DNHD1: variants seen among roughly 807,000 people sequenced by gnomAD.
The protein encoded by DNHD1 is dynein heavy chain domain-containing protein 1.
DNHD1 carries 383 observed loss-of-function variants against 458.1 expected under a neutral mutation model. The ratio of observed to expected loss-of-function variants is 0.84; its 90% CI spans 0.77 to 0.91. The LOEUF (loss-of-function observed/expected upper bound fraction) is 0.91. Ranked by LOEUF, DNHD1 falls within the 40% of genes least tolerant of loss-of-function variation. The pLI is 0.00. For synonymous variants in DNHD1, 2,203 were observed against 2,376.9 expected, an observed-to-expected ratio of 0.93 and a Z score of 2.13; for missense variants, 5,336 against 5,866.1, an observed-to-expected ratio of 0.91 and a Z score of 2.95.
In DNHD1 at chr11:6,571,218, G is replaced by GCGCGGA. The variant is rs758450539; in HGVS notation, c.13711_13716dup (p.Asp4571_Ala4572dup). On this transcript the variant is annotated inframe_insertion, in exon 42 of 43. Transcript: ENST00000254579. The surrounding 1 kb of genome is among the most constrained non-coding windows in gnomAD (Gnocchi z 5.0). ...CTGTTGGTTCGTTACTTGGGCGTGG[G>GCGCGGA]CGCGGACGCGAGCAGTGATGTACCA... 272 of 1,610,150 alleles carry GCGCGGA rather than the reference G, an allele frequency of 1.7e-4. No homozygotes were observed. The highest frequency in any genetic ancestry group is 2.2e-4 in the Non-Finnish European group (257 of 1,178,150).
In DNHD1 at chr11:6,539,912, GAGACTA is replaced by G; in HGVS notation, c.3458_3463del (p.Glu1153_Ile1155delinsVal). 1 of 1,551,756 alleles carries G rather than the reference GAGACTA, an allele frequency of 6.4e-7. No homozygotes were observed. The stretch of plus-strand genomic sequence containing the variant: ...TGAAAATGAACGAATTCATGCCCAA[GAGACTA>G]TACGGCGGTTGCAGCGGTACTGGGA... On this transcript the variant is annotated inframe_deletion, in exon 18 of 43. Coordinates refer to ENST00000254579, the MANE Select transcript of DNHD1 (RefSeq NM_144666.3).
At position 6,563,494 on chromosome 11, in the gene DNHD1, G is replaced by T. The variant is rs994565430; in HGVS notation, c.9782G>T (p.Cys3261Phe). The T allele has an allele frequency of 1.9e-6, 3 of 1,551,738 alleles. No homozygotes were observed. The highest frequency in any genetic ancestry group is 2.6e-6 in the Non-Finnish European group (3 of 1,146,996). ...GTGGTCCGGGTAACTGATGCAATGT[G>T]TGACTTGTTCCACCATGAAACAGGC... Reference protein sequence around the residue: ...ESVVRVTDAMCDLFHHETGWA... With the variant: ...ESVVRVTDAMFDLFHHETGWA... Residue 3261 changes from cysteine to phenylalanine, a missense_variant, in exon 30 of 43, where the codon TGT (cysteine) becomes TTT (phenylalanine). Transcript: ENST00000254579.
chr11:6,510,630 C>T (rs750299480), intron 6 of DNHD1, among the ~76,000 whole-genome samples: 6 of 152,078 alleles, frequency 3.9e-5, no homozygotes, highest in Admixed American at 1.3e-4. Flanking sequence ...TCTTCAAACT[C>T]GGATAAAGAT....
At position 6,546,730 on chromosome 11, in the gene DNHD1, C is replaced by G; in HGVS notation, c.5791C>G (p.Leu1931Val). The G allele has an allele frequency of 6.4e-7, 1 of 1,551,758 alleles. No homozygotes were observed. The highest frequency in any genetic ancestry group is 1.7e-4 in the Middle Eastern group (1 of 5,992). ...GCTCCACCTGCACAACCTCCGAGGG[C>G]TGTTGTGTGCGCTTTTCCCTAGCGC... is the stretch of plus-strand genomic sequence containing the variant. ...NGLHLHNLRGLLCALFPSASQ... is the reference protein window; with the variant it reads ...NGLHLHNLRGVLCALFPSASQ... The change falls in exon 21 of 43, where the codon CTG becomes GTG. Residue 1931 changes from leucine to valine, a missense_variant. Transcript: ENST00000254579.
chr11:6,551,849 GAGAATTGC>G (rs1853357723), intron 24 of DNHD1, among the ~76,000 whole-genome samples: 1 of 150,558 alleles, frequency 6.6e-6, no homozygotes, highest in African/African-American at 2.5e-5. Flanking sequence ...GCTGAGGCAG[GAGAATTGC>G]TTGAACCAGG....
Position 6,571,127 on chromosome 11 carries a change from C to G in DNHD1, c.13615C>G (p.Pro4539Ala). ...WTGRLPLPWR[P>A]HAPAGPQPPW... ...TGGCCGCCTACCCTTGCCTTGGCGA[C>G]CTCATGCGCCGGCCGGTCCGCAGCC... Residue 4539 changes from proline to alanine, a missense_variant, in exon 42 of 43, where the codon CCT (proline) becomes GCT (alanine). Transcript: ENST00000254579. The surrounding 1 kb of genome is among the most constrained non-coding windows in gnomAD (Gnocchi z 5.0). The G allele has an allele frequency of 6.2e-7, 1 of 1,600,550 alleles. No homozygotes were observed. Among genetic ancestry groups the G allele is most frequent in the African/African-American group, 1.3e-5 (1 of 74,894 alleles).
At chr11:6,518,577 G>A (rs1461370893) in intron 7 of DNHD1, among the ~76,000 whole-genome samples, 1 of 152,118 alleles carries the variant, frequency 6.6e-6, no homozygotes, top group Non-Finnish European at 1.5e-5. Flanking sequence ...ACTGTGTCAA[G>A]CAATAGAAAA....
At chr11:6,544,055 C>G (rs965986316) in intron 18 of DNHD1, 66 bp from the exon 19 acceptor site, 1 of 1,528,856 alleles carries the variant, frequency 6.5e-7, no homozygotes, top group East Asian at 2.5e-5. Flanking sequence ...CCCCTGGTCT[C>G]CTCTTCTCTC....
chr11:6,506,967 A>G (rs890008009), intron 4 of DNHD1, among the ~76,000 whole-genome samples: 2 of 152,158 alleles, frequency 1.3e-5, no homozygotes, highest in African/African-American at 4.8e-5. Flanking sequence ...GGGGGTAGAT[A>G]TTGAGTTTAG....
chr11:6,548,627 C>A lies in DNHD1; in HGVS notation c.7099-18C>A, dbSNP rs769099031. The A allele has an allele frequency of 1.3e-6, 2 of 1,550,988 alleles. No individual in the cohort carries two copies. The highest frequency in any genetic ancestry group is 2.4e-5 in the South Asian group (2 of 84,024). ...TTATACTGGAGGTGCTGCAGTAAGTCCCACTTCTGTCTTGCAGACTGAACG... is the reference window on the plus strand; with the variant it reads ...TTATACTGGAGGTGCTGCAGTAAGTACCACTTCTGTCTTGCAGACTGAACG... On this transcript the variant is annotated intron_variant, in intron 23 of 42. Coordinates refer to ENST00000254579, the MANE Select transcript of DNHD1 (RefSeq NM_144666.3). The surrounding 1 kb of genome is among the most constrained non-coding windows in gnomAD (Gnocchi z 4.4).
rs1853495431 is a variant in DNHD1 at position 6,557,614 on chromosome 11, C to T, written c.8319C>T (p.Gly2773=). 1 of 1,551,770 alleles carries T rather than the reference C, an allele frequency of 6.4e-7. No homozygotes were observed. The highest frequency in any genetic ancestry group is 1.2e-5 in the South Asian group (1 of 84,060). The change falls in exon 25 of 43, where the codon GGC becomes GGT. Residue 2773 remains glycine, a synonymous_variant. Transcript: ENST00000254579. ...GTCACAAGATAAGGCAAGAGAAAGG[C>T]ACAAGGGCATCCAACTATAGGCTCC... ...SISHKIRQEK[G]TRASNYRLQV... is the part of the protein sequence containing the mutation.
intron 12 of DNHD1, among the ~76,000 whole-genome samples, chr11:6,530,108 C>T (rs749041184): frequency 2.6e-5 from 4 of 152,154 alleles, no homozygotes; most frequent in Admixed American, 6.5e-5. Flanking sequence ...TACTACAACA[C>T]ATAACAGTAT....
In DNHD1 at chr11:6,547,204, G is replaced by C; in HGVS notation, c.6265G>C (p.Ala2089Pro). 6.4e-7 allele frequency: 1 copy of C among 1,551,806 alleles called. No homozygotes were observed. Among genetic ancestry groups the C allele is most frequent in the Non-Finnish European group, 8.7e-7 (1 of 1,147,024 alleles). ...GIQHWIICDG[A>P]SNGAWLDSIT... Reference sequence around the variant, plus strand: ...CCAGCACTGGATAATATGTGATGGAGCCTCCAATGGTGCTTGGCTGGACTC... The same window carrying C: ...CCAGCACTGGATAATATGTGATGGACCCTCCAATGGTGCTTGGCTGGACTC... The change falls in exon 21 of 43, where the codon GCC becomes CCC. Residue 2089 changes from alanine to proline, a missense_variant. Ala to Pro is a conservative substitution (Grantham distance 27). This residue lies in a region of DNHD1 where 3,932 missense variants were observed against 4,365.6 expected (regional missense o/e 0.90). Transcript: ENST00000254579.
intron 18 of DNHD1, 46 bp downstream of exon 18, chr11:6,540,129 CCA>C: frequency 1.3e-6 from 2 of 1,492,780 alleles, no homozygotes; most frequent in Non-Finnish European, 1.8e-6. Flanking sequence ...CTGCTGGGGG[CCA>C]TTTTCATCCA....
chr11:6,548,263 A>T lies in DNHD1; in HGVS notation c.6959A>T (p.Asn2320Ile), dbSNP rs1187252444. 1.9e-6 allele frequency: 3 copies of T among 1,551,674 alleles called. No individual in the cohort carries two copies. The highest frequency in any genetic ancestry group is 2.6e-6 in the Non-Finnish European group (3 of 1,146,976). The change falls in exon 23 of 43, where the codon AAC (asparagine) becomes ATC (isoleucine). Residue 2320 changes from asparagine to isoleucine, a missense_variant. Physicochemically the swap from Asn to Ile is moderately radical, Grantham distance 149. Coordinates refer to ENST00000254579, the MANE Select transcript of DNHD1 (RefSeq NM_144666.3). The surrounding 1 kb of genome is among the most constrained non-coding windows in gnomAD (Gnocchi z 4.4). Reference protein sequence around the residue: ...FIRDSISRLSNYPEPPPSALV... With the variant: ...FIRDSISRLSIYPEPPPSALV... ...AGGGATTCTATTAGTCGCCTCTCCA[A>T]CTACCCTGAGCCACCACCCTCAGCC...
rs1337877955 is a variant in DNHD1, at chr11:6,547,614, T to G, written c.6675T>G (p.His2225Gln). The G allele has an allele frequency of 1.9e-6, 3 of 1,542,040 alleles. No individual in the cohort carries two copies. In the East Asian group the frequency reaches 7.4e-5, roughly 38 times the overall value. Reference protein sequence around the residue: ...AEVTSMARILHSLLDLHLRLK... With the variant: ...AEVTSMARILQSLLDLHLRLK... ...TTACCAGCATGGCACGCATCTTGCA[T>G]AGTCTGCTTGACCTCCACCTTCGCC... Residue 2225 changes from histidine (H) to glutamine (Q), a missense_variant, in exon 21 of 43, where the codon CAT (histidine) becomes CAG (glutamine). Coordinates refer to ENST00000254579, the MANE Select transcript of DNHD1 (RefSeq NM_144666.3).
At chr11:6,506,884 A>T (rs933056161) in intron 4 of DNHD1, among the ~76,000 whole-genome samples, 2 of 152,220 alleles carry the variant, frequency 1.3e-5, no homozygotes, top group Non-Finnish European at 2.9e-5. Flanking sequence ...ACAGTCTGGC[A>T]TAGAGTAGAT....
Position 6,558,544 on chromosome 11 carries a change from C to A in DNHD1, c.9062C>A (p.Ala3021Asp). ...HLFFLIGDKQ[A>D]HKQLPSTLFL... ...TTCTTCCTGATTGGAGATAAACAGG[C>A]CCACAAGCAGCTGCCCTCCACCCTT... The change falls in exon 26 of 43, where the codon GCC (alanine) becomes GAC (aspartate). Residue 3021 changes from alanine (A) to aspartate (D), a missense_variant. Around this residue, in one of 4 missense-constraint regions of DNHD1, gnomAD observed 3,932 missense variants for 4,365.6 expected, o/e 0.90. Coordinates refer to ENST00000254579, the MANE Select transcript of DNHD1 (RefSeq NM_144666.3). The A allele has an allele frequency of 6.4e-7, 1 of 1,551,728 alleles. No individual in the cohort carries two copies. Among genetic ancestry groups the A allele is most frequent in the African/African-American group, 1.4e-5 (1 of 73,170 alleles).
intron 21 of DNHD1, 75 bp downstream of exon 21, chr11:6,547,741 G>C (rs978696297): frequency 1.0e-5 from 15 of 1,481,442 alleles, no homozygotes; most frequent in Non-Finnish European, 1.3e-5. Flanking sequence ...GGAGCCTGGG[G>C]CGTGTGTTCT....
Sources: allele counts gnomAD v4.1 joint callset (sites outside exome capture counted in the v4.1 genomes callset), GRCh38; gene constraint gnomAD v4.1.1; regional missense constraint gnomAD v4.1.1; non-coding constraint Gnocchi (gnomAD v3.1); transcripts MANE v1.5; gene names NCBI Gene and HGNC (gene_info 2026-07-23, HGNC 2026-07-21).